The following STAB2 variants were observed in gnomAD, a reference collection of about 807,000 sequenced individuals.
The protein encoded by STAB2 is stabilin 2.
In STAB2, 288 loss-of-function variants were observed where a neutral mutation model predicts 338.1. The ratio of observed to expected loss-of-function variants is 0.85; its 90% confidence interval spans 0.77 to 0.94. STAB2 has a LOEUF of 0.94. STAB2 is among the 40% of genes least tolerant of loss of function. The probability of loss-of-function intolerance (pLI) is 0.00; values close to 1 mark genes in which losing one functional copy is unlikely to be tolerated. For missense variants in STAB2, 3,141 were observed against 3,210.1 expected, an observed-to-expected ratio of 0.98 and a Z score of 0.52; for synonymous variants, 1,202 against 1,193.3, an observed-to-expected ratio of 1.01 and a Z score of -0.15.
intron 29 of STAB2, 140 bp downstream of exon 29, chr12:103,690,122 C>G: frequency 8.0e-7 from 1 of 1,245,714 alleles, no homozygotes. Flanking sequence ...TTTCCTCCCA[C>G]CCCAGGATAG....
chr12:103,666,543 T>A (rs1255874587), intron 19 of STAB2, among the ~76,000 whole-genome samples, 190 bp downstream of exon 19: 2 of 152,262 alleles, frequency 1.3e-5, no homozygotes, highest in Admixed American at 6.5e-5. Context: ...TCCTTGTTCA[T>A]TGACCCTAGA....
At position 103,638,017 on chromosome 12, in the gene STAB2, C is replaced by T; in HGVS notation, c.711C>T (p.Pro237=). 2 of 1,608,716 alleles carry T rather than the reference C, an allele frequency of 1.2e-6. No homozygotes were observed. Among genetic ancestry groups the T allele is most frequent in the Non-Finnish European group, 1.7e-6 (2 of 1,175,788 alleles). The change falls in exon 8 of 69, where the codon CCC becomes CCT. Residue 237 remains proline (P), a splice_region_variant and synonymous_variant. Coordinates refer to ENST00000388887, the MANE Select transcript of STAB2 (RefSeq NM_017564.10). The part of the protein sequence containing the change: ...NYRGDGKYCD[P]INPCLRKICH... ...CTCATTTTGCTGTTGCCTCTCAAGC[C>T]ATCAATCCATGTTTACGAAAAATCT...
intron 6 of STAB2, among the ~76,000 whole-genome samples, chr12:103,636,581 G>T (rs1021017717): frequency 6.6e-6 from 1 of 152,038 alleles, no homozygotes; most frequent in African/African-American, 2.4e-5. Flanking sequence ...GGAAAAACTG[G>T]TGCCAAAATG....
At chr12:103,683,988 A>G in intron 26 of STAB2, among the ~76,000 whole-genome samples, 2 of 152,290 alleles carry the variant, frequency 1.3e-5, no homozygotes, top group Non-Finnish European at 2.9e-5. Flanking sequence ...TAGAGGCAGG[A>G]AGTATAGCTA....
At chr12:103,686,776 A>T (rs1268541696) in intron 27 of STAB2, among the ~76,000 whole-genome samples, 1 of 152,162 alleles carries the variant, frequency 6.6e-6, no homozygotes, top group Non-Finnish European at 1.5e-5. Context: ...GGCAGGCCTG[A>T]GCCACCATGC....
intron 13 of STAB2, 52 bp downstream of exon 13, chr12:103,654,750 C>G: frequency 6.3e-7 from 1 of 1,586,448 alleles, no homozygotes; most frequent in Non-Finnish European, 8.6e-7. Context: ...TCCTTTGTTC[C>G]CTGGAGAGTC....
At chr12:103,734,806 T>G (rs1197456746) in intron 51 of STAB2, among the ~76,000 whole-genome samples, 1 of 152,126 alleles carries the variant, frequency 6.6e-6, no homozygotes, top group Non-Finnish European at 1.5e-5. Flanking sequence ...AGGTTGTTCC[T>G]TCTGGAGTTT....
intron 6 of STAB2, among the ~76,000 whole-genome samples, chr12:103,635,622 T>A (rs1413729272): frequency 6.6e-6 from 1 of 152,170 alleles, no homozygotes; most frequent in Non-Finnish European, 1.5e-5. Context: ...CTCAGCCCCA[T>A]GCACAGCAAG....
At chr12:103,714,585 G>A (rs548907945) in intron 42 of STAB2, among the ~76,000 whole-genome samples, 1 of 152,012 alleles carries the variant, frequency 6.6e-6, no homozygotes, top group African/African-American at 2.4e-5. Flanking sequence ...TACTTGGGAG[G>A]CTGAGGCAGG....
chr12:103,707,004 C>A lies in STAB2; in HGVS notation c.4192+17C>A, dbSNP rs767218751. The stretch of plus-strand genomic sequence containing the variant: ...GTGACCAAGGTGAGCACCGTCCTCT[C>A]CACAGAGGATCTTGGGCTGCTGAAA... On this transcript the variant is annotated intron_variant, in intron 38 of 68. Transcript: ENST00000388887. The A allele has an allele frequency of 3.9e-5, 63 of 1,612,194 alleles. No homozygotes were observed. The highest frequency in any genetic ancestry group is 5.2e-5 in the Non-Finnish European group (61 of 1,178,842).
At chr12:103,665,576 G>C (rs1030122670) in intron 18 of STAB2, among the ~76,000 whole-genome samples, 1 of 152,120 alleles carries the variant, frequency 6.6e-6, no homozygotes, top group African/African-American at 2.4e-5. Context: ...CCTCCTTCAG[G>C]AGCCGTAGGG....
intron 11 of STAB2, among the ~76,000 whole-genome samples, chr12:103,651,187 G>A (rs1043907478): frequency 1.3e-5 from 2 of 152,122 alleles, no homozygotes; most frequent in African/African-American, 2.4e-5. Context: ...TGGACTTATC[G>A]ATTTGTATAC....
chr12:103,692,399 G>GA (rs1878011192), intron 30 of STAB2, among the ~76,000 whole-genome samples: 1 of 151,928 alleles, frequency 6.6e-6, no homozygotes, highest in African/African-American at 2.4e-5. Context: ...TGGGGGCAGG[G>GA]GGGGACACAG....
chr12:103,742,221 A>G (rs768934292), intron 55 of STAB2, among the ~76,000 whole-genome samples, 184 bp from the exon 56 acceptor site: 1 of 152,190 alleles, frequency 6.6e-6, no homozygotes, highest in Non-Finnish European at 1.5e-5. Flanking sequence ...CCAAGACAGA[A>G]TCATATCAGA....
chr12:103,635,808 G>C (rs1311608720), intron 6 of STAB2, among the ~76,000 whole-genome samples: 1 of 152,202 alleles, frequency 6.6e-6, no homozygotes, highest in East Asian at 1.9e-4. Context: ...TTGGCACCTA[G>C]TGAGTTCCAA....
At chr12:103,712,539 T>G in intron 41 of STAB2, 96 bp downstream of exon 41, 1 of 911,528 alleles carries the variant, frequency 1.1e-6, no homozygotes, top group Admixed American at 1.8e-5. Flanking sequence ...CCTCAGCAGC[T>G]GGTGCCAACC....
intron 21 of STAB2, among the ~76,000 whole-genome samples, chr12:103,670,094 G>A (rs141266288): frequency 2.8e-3 from 426 of 152,304 alleles, no homozygotes; most frequent in Non-Finnish European, 4.6e-3. Flanking sequence ...GTTCATACAG[G>A]GAAATTATAC....
intron 12 of STAB2, among the ~76,000 whole-genome samples, chr12:103,654,344 T>G (rs1874013110): frequency 6.6e-6 from 1 of 152,234 alleles, no homozygotes; most frequent in Non-Finnish European, 1.5e-5. Flanking sequence ...TGTCAGTGCT[T>G]TCACACATCA....
chr12:103,740,899 G>A (rs1325799003), intron 55 of STAB2, 143 bp downstream of exon 55: 2 of 1,222,020 alleles, frequency 1.6e-6, no homozygotes, highest in African/African-American at 3.1e-5. Context: ...ACTCTGAAGA[G>A]TTGTGTATCA....
Sources: allele counts gnomAD v4.1 joint callset (sites outside exome capture counted in the v4.1 genomes callset), GRCh38; gene constraint gnomAD v4.1.1; transcripts MANE v1.5; gene names NCBI Gene and HGNC (gene_info 2026-07-23, HGNC 2026-07-21).